FRMD5: variants seen among roughly 807,000 people sequenced by gnomAD.
The protein encoded by FRMD5 is FERM domain containing 5, also known as FERM domain-containing protein 5.
Under a neutral mutation model 69.0 loss-of-function variants are expected in FRMD5, and 20 were observed. The ratio of observed to expected loss-of-function variants is 0.29; its 90% CI spans 0.20 to 0.42. The LOEUF is 0.42. Among genes scored for constraint, FRMD5 ranks in the 10% least tolerant of loss-of-function variants. The probability of loss-of-function intolerance (pLI) is 1.00; values close to 1 mark genes in which losing one functional copy is unlikely to be tolerated. For synonymous variants in FRMD5, 271 were observed against 260.1 expected, an observed-to-expected ratio of 1.04 and a Z score of -0.40; for missense variants, 595 against 708.6, an observed-to-expected ratio of 0.84 and a Z score of 1.82.
intron 7 of FRMD5, among the ~76,000 whole-genome samples, chr15:43,898,026 C>T (rs1046700762): frequency 2.0e-5 from 3 of 152,182 alleles, no homozygotes. Context: ...GTCAATTAAA[C>T]CTCTTTTCTT....
intron 8 of FRMD5, among the ~76,000 whole-genome samples, chr15:43,890,266 G>T (rs2088764113): frequency 6.6e-6 from 1 of 152,198 alleles, no homozygotes; most frequent in South Asian, 2.1e-4. Flanking sequence ...GTGAGATTGG[G>T]TTTACATCTA....
intron 7 of FRMD5, among the ~76,000 whole-genome samples, chr15:43,896,936 A>G (rs2088923330): frequency 6.6e-6 from 1 of 152,194 alleles, no homozygotes; most frequent in African/African-American, 2.4e-5. Flanking sequence ...CAGTTTGAAT[A>G]TACTACACTT....
intron 1 of FRMD5, among the ~76,000 whole-genome samples, chr15:43,943,184 G>C (rs2089890178): frequency 6.6e-6 from 1 of 152,174 alleles, no homozygotes; most frequent in Non-Finnish European, 1.5e-5. Flanking sequence ...GGAGGTTGCA[G>C]TTAGCCGAGA....
At chr15:43,893,384 T>C (rs1272188175) in intron 7 of FRMD5, among the ~76,000 whole-genome samples, 16 of 152,106 alleles carry the variant, frequency 1.1e-4, no homozygotes, top group Non-Finnish European at 2.4e-4. Context: ...TGAGGCTCTG[T>C]TGAACATAGT....
chr15:43,925,328 G>GT (rs1410393237), intron 1 of FRMD5, among the ~76,000 whole-genome samples: 3 of 152,238 alleles, frequency 2.0e-5, no homozygotes, highest in African/African-American at 7.2e-5. Context: ...TTTATGTGAT[G>GT]TTTTATACAC....
chr15:44,044,553 G>T (rs1892347682), intron 1 of FRMD5, among the ~76,000 whole-genome samples: 1 of 152,152 alleles, frequency 6.6e-6, no homozygotes, highest in African/African-American at 2.4e-5. Flanking sequence ...ACAATATATG[G>T]CATATATACA....
chr15:44,091,024 A>C (rs1240505161), intron 1 of FRMD5, among the ~76,000 whole-genome samples: 1 of 152,220 alleles, frequency 6.6e-6, no homozygotes, highest in Admixed American at 6.5e-5. Flanking sequence ...ATGAAGTTAC[A>C]CTATAAATCA....
At chr15:44,146,631 A>G (rs1169559014) in intron 1 of FRMD5, among the ~76,000 whole-genome samples, 1 of 152,126 alleles carries the variant, frequency 6.6e-6, no homozygotes, top group Non-Finnish European at 1.5e-5. Context: ...AAGCATTCCT[A>G]TTTCTCCATA....
At chr15:43,888,960 GAA>G in intron 8 of FRMD5, 88 bp from the exon 9 acceptor site, 1 of 1,131,446 alleles carries the variant, frequency 8.8e-7, no homozygotes, top group Non-Finnish European at 1.3e-6. Flanking sequence ...ACCCCAACTG[GAA>G]GGGGCTCCAG....
At chr15:43,932,873 C>A (rs1812825405) in intron 1 of FRMD5, among the ~76,000 whole-genome samples, 1 of 152,240 alleles carries the variant, frequency 6.6e-6, no homozygotes, top group South Asian at 2.1e-4. Context: ...TCACACACAG[C>A]TGCTGGCATC....
At chr15:44,170,799 C>T (rs1211910877) in intron 1 of FRMD5, among the ~76,000 whole-genome samples, 1 of 152,122 alleles carries the variant, frequency 6.6e-6, no homozygotes, top group Admixed American at 6.6e-5. Context: ...GTTGGTTATA[C>T]TACAACACCT....
chr15:43,896,993 G>A (rs572766072), intron 7 of FRMD5, among the ~76,000 whole-genome samples: 10 of 152,236 alleles, frequency 6.6e-5, no homozygotes, highest in African/African-American at 2.2e-4. Flanking sequence ...GGAGAAGGAG[G>A]AGGAGGAGGA....
rs750346556 is a variant in FRMD5, at chr15:43,873,164, G to GACTT, written c.*717_*720dup. 3.5e-5 allele frequency: 54 copies of GACTT among 1,549,914 alleles called. No homozygotes were observed. The South Asian group carries it at 5.0e-4, about 14-fold the overall frequency. The stretch of plus-strand genomic sequence containing the variant: ...CACTAGGCTCTAGACTAAGGGGACA[G>GACTT]ACTTACCCCACCCCTGATGCTGCTG... On this transcript the variant is annotated 3_prime_UTR_variant, in exon 14 of 14. Transcript: ENST00000417257.
At chr15:44,049,432 C>T (rs992719213) in intron 1 of FRMD5, among the ~76,000 whole-genome samples, 2 of 152,174 alleles carry the variant, frequency 1.3e-5, no homozygotes, top group African/African-American at 4.8e-5. Context: ...AAAGGGCTGG[C>T]TTTGCTCCTC....
chr15:44,199,318 T>C (rs919990853), upstream of FRMD5, among the ~76,000 whole-genome samples: 1 of 152,224 alleles, frequency 6.6e-6, no homozygotes, highest in Non-Finnish European at 1.5e-5. Flanking sequence ...ATGGATTAGA[T>C]ACAGGCCTGG....
intron 1 of FRMD5, 39 bp downstream of exon 1, chr15:44,194,914 G>A (rs1254786540): frequency 2.0e-6 from 3 of 1,480,200 alleles, no homozygotes; most frequent in South Asian, 2.4e-5. Flanking sequence ...TGGGGGACAA[G>A]GGGGTCCCGC....
At chr15:43,921,825 C>A (rs2089497807) in intron 2 of FRMD5, among the ~76,000 whole-genome samples, 1 of 152,154 alleles carries the variant, frequency 6.6e-6, no homozygotes, top group African/African-American at 2.4e-5. Context: ...GTCAGGCATC[C>A]TGGGGAAGGA....
At chr15:43,903,922 C>G (rs1046126773) in intron 6 of FRMD5, among the ~76,000 whole-genome samples, 4 of 152,232 alleles carry the variant, frequency 2.6e-5, no homozygotes, top group Non-Finnish European at 4.4e-5. Context: ...GCCCCTGCCC[C>G]CAACACCACA....
intron 1 of FRMD5, among the ~76,000 whole-genome samples, chr15:43,997,736 GTCTA>G (rs1022950380): frequency 2.6e-5 from 4 of 152,068 alleles, no homozygotes; most frequent in South Asian, 2.1e-4. Flanking sequence ...AAGGAAACAC[GTCTA>G]TCTATCTCTA....
Sources: allele counts gnomAD v4.1 joint callset (sites outside exome capture counted in the v4.1 genomes callset), GRCh38; gene constraint gnomAD v4.1.1; transcripts MANE v1.5; gene names NCBI Gene and HGNC (gene_info 2026-07-23, HGNC 2026-07-21).